The following XG variants were observed in gnomAD, a reference collection of about 807,000 sequenced individuals.
XG encodes Xg glycoprotein (Xg blood group).
A neutral mutation model predicts 25.7 loss-of-function variants in XG; 24 were observed. The observed-to-expected ratio is 0.93, with a 90% CI of 0.68 to 1.31. The LOEUF is 1.31. Ranked by LOEUF, XG falls within the 40% of genes most tolerant of loss-of-function variation. The pLI, the probability that XG is intolerant of heterozygous loss-of-function variation, is 0.00. For synonymous variants in XG, 77 were observed against 69.2 expected (o/e 1.11, Z -0.56); for missense variants, 181 against 187.6 (o/e 0.96, Z 0.21).
chrX:2,784,820 C>A (rs1322234475), intron 4 of XG, among the ~76,000 whole-genome samples: 1 of 112,139 alleles, frequency 8.9e-6, no homozygotes, highest in Non-Finnish European at 1.9e-5. Context: ...TCATGTTGTG[C>A]TTAAATCCAG....
chrX:2,783,976 AAAACCAAACC>A (rs200988138), intron 4 of XG, among the ~76,000 whole-genome samples: 2 of 110,825 alleles, frequency 1.8e-5, no homozygotes, highest in African/African-American at 3.3e-5. Context: ...TCTGTCTCGA[AAAACCAAACC>A]AAACCAAACC....
At chrX:2,798,763 C>T (rs2086908825) in intron 7 of XG, among the ~76,000 whole-genome samples, 1 of 111,560 alleles carries the variant, frequency 9.0e-6, no homozygotes, top group South Asian at 3.8e-4. Context: ...TCTTCAGCCT[C>T]CCATAGTGCT....
intron 3 of XG, 61 bp downstream of exon 3, chrX:2,774,800 G>A (rs2050938934): frequency 6.2e-7 from 1 of 1,601,508 alleles, no homozygotes; most frequent in Admixed American, 1.7e-5. Context: ...GCTTACGGAG[G>A]GGATGGTTGA....
At chrX:2,759,943 A>C (rs1159675883) in intron 1 of XG, among the ~76,000 whole-genome samples, 2 of 152,230 alleles carry the variant, frequency 1.3e-5, no homozygotes, top group African/African-American at 4.8e-5. Context: ...AACCTCTGGG[A>C]ATGCTTCAGA....
intron 1 of XG, among the ~76,000 whole-genome samples, chrX:2,765,774 G>A (rs913692123): frequency 5.3e-5 from 8 of 151,976 alleles, no homozygotes; most frequent in Admixed American, 2.0e-4. Flanking sequence ...CTAATATTCA[G>A]TGGGCAGTGG....
At chrX:2,769,058 C>G (rs1322579957) in intron 1 of XG, among the ~76,000 whole-genome samples, 1 of 152,196 alleles carries the variant, frequency 6.6e-6, no homozygotes, top group Non-Finnish European at 1.5e-5. Flanking sequence ...GTGACTTTGT[C>G]CTGACTTAGG....
intron 8 of XG, among the ~76,000 whole-genome samples, chrX:2,807,515 CATCGGTGTGTGCATGTGCACACAT>C (rs1427619959): frequency 3.5e-4 from 2 of 5,658 alleles, no homozygotes; most frequent in Non-Finnish European, 5.2e-3. Context: ...CATGTGCACA[CATCGGTGTGTGCATGTGCACACAT>C]GTGTACATGT....
chrX:2,771,236 A>G (rs1384296059), intron 2 of XG, among the ~76,000 whole-genome samples: 1 of 150,424 alleles, frequency 6.6e-6, no homozygotes, highest in Non-Finnish European at 1.5e-5. Flanking sequence ...CAATCTCCCC[A>G]GTTTCTGCTT....
At chrX:2,795,561 A>G (rs7050931) in intron 6 of XG, among the ~76,000 whole-genome samples, 1,344 of 109,684 alleles carry the variant, frequency 0.012, 23 homozygotes, top group African/African-American at 0.042. Flanking sequence ...ATACTTTTAT[A>G]TGTGTTATGT....
intron 4 of XG, among the ~76,000 whole-genome samples, chrX:2,788,394 T>G (rs1300421318): frequency 8.9e-6 from 1 of 112,402 alleles, no homozygotes; most frequent in Non-Finnish European, 1.9e-5. Context: ...GATTATTTCA[T>G]TTCGGCTTCT....
intron 4 of XG, among the ~76,000 whole-genome samples, chrX:2,784,584 A>G (rs1411589239): frequency 9.6e-6 from 1 of 104,500 alleles, no homozygotes; most frequent in Non-Finnish European, 1.9e-5. Flanking sequence ...AAAAAAAAAA[A>G]AAGAATAAGA....
At chrX:2,765,992 A>AG (rs1033712092) in intron 1 of XG, among the ~76,000 whole-genome samples, 3 of 152,244 alleles carry the variant, frequency 2.0e-5, no homozygotes, top group Admixed American at 6.5e-5. Context: ...CCAAGTTACA[A>AG]GGGGAGATTG....
intron 1 of XG, among the ~76,000 whole-genome samples, chrX:2,758,148 T>C (rs1409826457): frequency 6.6e-6 from 1 of 151,962 alleles, no homozygotes; most frequent in East Asian, 1.9e-4. Flanking sequence ...GCCCCCTCCT[T>C]CCCTGCAAAG....
At chrX:2,753,203 A>T (rs1603301249) in intron 1 of XG, among the ~76,000 whole-genome samples, 2 of 152,128 alleles carry the variant, frequency 1.3e-5, no homozygotes, top group Non-Finnish European at 2.9e-5. Context: ...CGGTGTCGGG[A>T]TGGATAGATC....
At position 2,756,364 on chromosome X, in the gene XG, G is replaced by T. The variant is rs989798720; in HGVS notation, c.61+4029G>T. Among the ~76,000 whole-genome samples the T allele has an allele frequency of 5.3e-3, 809 of 152,178 alleles. 6 individuals carry two copies. The highest frequency in any genetic ancestry group is 0.018 in the African/African-American group (759 of 41,496). On this transcript the variant is annotated intron_variant, in intron 1 of 10. Coordinates refer to ENST00000644266, the MANE Select transcript of XG (RefSeq NM_001141919.2). ...AAGAAAATGACAGAGTTCGATAGAA[G>T]AAATAAGCACTAGTGTTTACATAAT...
intron 1 of XG, among the ~76,000 whole-genome samples, chrX:2,755,564 T>C (rs1375396410): frequency 6.6e-6 from 1 of 152,132 alleles, no homozygotes; most frequent in East Asian, 1.9e-4. Context: ...CTTAATCATC[T>C]GGGAATGCAG....
chrX:2,808,833 G>A (rs1449187789), intron 9 of XG, among the ~76,000 whole-genome samples: 3 of 111,589 alleles, frequency 2.7e-5, no homozygotes, highest in Admixed American at 1.9e-4. Context: ...GTGATTGAAG[G>A]TGACCTCTAC....
intron 1 of XG, among the ~76,000 whole-genome samples, chrX:2,765,616 C>T (rs113143806): frequency 0.025 from 3,764 of 152,262 alleles, 66 homozygotes; most frequent in South Asian, 0.077. Flanking sequence ...TTTAGATAGT[C>T]TCTGTGTGTT....
At chrX:2,782,988 G>A (rs959595931) in intron 4 of XG, among the ~76,000 whole-genome samples, 5 of 111,736 alleles carry the variant, frequency 4.5e-5, no homozygotes, top group African/African-American at 9.8e-5. Context: ...AACAAGGACA[G>A]CTTAAAGGTT....
Sources: allele counts gnomAD v4.1 joint callset (sites outside exome capture counted in the v4.1 genomes callset), GRCh38; gene constraint gnomAD v4.1.1; transcripts MANE v1.5; gene names NCBI Gene and HGNC (gene_info 2026-07-23, HGNC 2026-07-21).